Variants in PLPBP observed in about 807,000 individuals in gnomAD.
PLPBP encodes pyridoxal phosphate binding protein, also known as pyridoxal phosphate homeostasis protein.
PLPBP carries 21 observed loss-of-function variants against 31.2 expected under a neutral mutation model. That is an observed-to-expected ratio of 0.67 (90% confidence interval 0.48 to 0.97). PLPBP has a LOEUF of 0.97. Among genes scored for constraint, PLPBP ranks in the 50% least tolerant of loss-of-function variants. The pLI is 0.00. For missense variants in PLPBP, 308 were observed against 354.4 expected, an observed-to-expected ratio of 0.87 and a Z score of 1.05; for synonymous variants, 124 against 135.6, an observed-to-expected ratio of 0.91 and a Z score of 0.59.
rs565058432 is a variant in PLPBP at position 37,773,545 on chromosome 8, T to G, written c.454+656T>G. ...GTGCAGTGGCACGATCTCAGCTCAC[T>G]GCAACCTCCGCCTCCTGGGTTGAAG... is the stretch of plus-strand genomic sequence containing the variant. On this transcript the variant is annotated intron_variant, in intron 5 of 7. Coordinates refer to ENST00000328195, the MANE Select transcript of PLPBP (RefSeq NM_007198.4). Among the ~76,000 whole-genome samples the G allele has an allele frequency of 6.7e-5, 10 of 150,368 alleles. No individual in the cohort carries two copies. The South Asian group carries it at 1.3e-3, about 19-fold the overall frequency.
At chr8:37,763,749 C>T (rs1197894416) in intron 1 of PLPBP, among the ~76,000 whole-genome samples, 1 of 152,088 alleles carries the variant, frequency 6.6e-6, no homozygotes, top group South Asian at 2.1e-4. Context: ...GTAGTCACGA[C>T]TTGGACTCAA....
chr8:37,768,712 A>T (rs1398442591), intron 4 of PLPBP, among the ~76,000 whole-genome samples: 1 of 151,748 alleles, frequency 6.6e-6, no homozygotes, highest in Non-Finnish European at 1.5e-5. Flanking sequence ...AGACCTCATG[A>T]TCCGCCTGCC....
intron 1 of PLPBP, among the ~76,000 whole-genome samples, chr8:37,763,540 CTA>C (rs1803541121): frequency 3.9e-5 from 6 of 151,996 alleles, no homozygotes. Context: ...AGTCAGGTAA[CTA>C]TTCCGGCCCT....
Position 37,773,626 on chromosome 8 carries a change from G to A in PLPBP, c.454+737G>A, listed in dbSNP as rs1408183660. Among the ~76,000 whole-genome samples, 7 of 151,824 alleles carry A rather than the reference G, an allele frequency of 4.6e-5. No homozygotes were observed. The South Asian group carries it at 6.2e-4, about 14-fold the overall frequency. The stretch of plus-strand genomic sequence containing the variant: ...TGGGATTACAGGCACGCGCTACCAC[G>A]CCCAGCTAATATTTGTATTTTTAGT... On this transcript the variant is annotated intron_variant, in intron 5 of 7. Transcript: ENST00000328195.
At chr8:37,775,540 T>C (rs1803879589) in intron 6 of PLPBP, 59 bp downstream of exon 6, 3 of 1,606,302 alleles carry the variant, frequency 1.9e-6, no homozygotes, top group Non-Finnish European at 2.6e-6. Flanking sequence ...TGGAGTGCTA[T>C]TGCAGGGCTG....
intron 3 of PLPBP, 143 bp downstream of exon 3, chr8:37,765,889 C>T: frequency 1.2e-6 from 1 of 863,478 alleles, no homozygotes; most frequent in South Asian, 1.7e-5. Flanking sequence ...TGTCAGCTTC[C>T]TCCTTGAGCC....
intron 4 of PLPBP, among the ~76,000 whole-genome samples, chr8:37,771,241 A>G (rs919306047): frequency 3.6e-4 from 54 of 152,064 alleles, no homozygotes; most frequent in African/African-American, 1.2e-3. Flanking sequence ...GATTGAAGGA[A>G]TTCTCCTACC....
intron 4 of PLPBP, 144 bp from the exon 5 acceptor site, chr8:37,772,611 T>G: frequency 1.0e-6 from 1 of 961,314 alleles, no homozygotes. Context: ...AACTGTCACA[T>G]TTGTCTTCTC....
chr8:37,772,919 T>C (rs375577196), intron 5 of PLPBP, 30 bp downstream of exon 5: 78 of 1,613,114 alleles, frequency 4.8e-5, no homozygotes, highest in Non-Finnish European at 6.5e-5. Flanking sequence ...TTGTAGATTT[T>C]TCTTCCTTTA....
At chr8:37,776,088 C>T in intron 7 of PLPBP, 72 bp downstream of exon 7, 3 of 1,395,912 alleles carry the variant, frequency 2.1e-6, no homozygotes, top group Non-Finnish European at 3.0e-6. Flanking sequence ...GACACAAGAG[C>T]AGATCTTTGC....
chr8:37,772,842 C>T lies in PLPBP; in HGVS notation c.407C>T (p.Pro136Leu), dbSNP rs747127177. Residue 136 changes from proline to leucine, a missense_variant, in exon 5 of 8, where the codon CCT becomes CTT. Physicochemically the swap from Pro to Leu is moderately conservative, Grantham distance 98. This residue lies in a region of PLPBP where 188 missense variants were observed against 259.3 expected (regional missense o/e 0.73). Coordinates refer to ENST00000328195, the MANE Select transcript of PLPBP (RefSeq NM_007198.4). The stretch of plus-strand genomic sequence containing the variant: ...AGTTCCTGGCAGAGAAAAGGTTCTC[C>T]TGAAAGGTTAAAGGTTATGGTCCAG... ...VNSSWQRKGS[P>L]ERLKVMVQIN... 4 of 1,614,130 alleles carry T rather than the reference C, an allele frequency of 2.5e-6. No individual in the cohort carries two copies. In the Admixed American group the frequency reaches 6.7e-5, roughly 27 times the overall value.
Position 37,766,294 on chromosome 8 carries a change from T to A in PLPBP, c.258T>A (p.Cys86Ter). The part of the protein sequence containing the change: ...KASNPKILSL[C>*]PEIKWHFIGH... ...TTTCCCCTCAGATTCTGTCTTTGTG[T>A]CCTGAGATCAAATGGCACTTCATTG... The change falls in exon 4 of 8, where the codon TGT becomes TGA. Residue 86 changes from cysteine to a stop codon, truncating the protein, a stop_gained. Coordinates refer to ENST00000328195, the MANE Select transcript of PLPBP (RefSeq NM_007198.4). LOFTEE classifies it high-confidence loss of function. 1.2e-6 allele frequency: 2 copies of A among 1,609,964 alleles called. No homozygotes were observed. The highest frequency in any genetic ancestry group is 1.7e-6 in the Non-Finnish European group (2 of 1,178,198).
Position 37,775,773 on chromosome 8 carries a change from A to C in PLPBP, c.598-145A>C, listed in dbSNP as rs542016690. On this transcript the variant is annotated intron_variant, in intron 6 of 7. Coordinates refer to ENST00000328195, the MANE Select transcript of PLPBP (RefSeq NM_007198.4). The stretch of plus-strand genomic sequence containing the variant: ...CTCGAAAGTGGGATAGTTTGCAAAA[A>C]ACCCTTTCAGTAACGTCTGGCAATT... 86 of 933,166 alleles carry C rather than the reference A, an allele frequency of 9.2e-5. 1 individual carries two copies. In the East Asian group the frequency reaches 1.6e-3, roughly 17 times the overall value. The allele number at this position is 933,166 out of a possible 1,614,324, so 57.8% of individuals were successfully genotyped here. A position where few individuals can be genotyped will look rare whatever the true frequency, so the allele number is the denominator to read the frequency against.
rs534423225 is a variant in PLPBP at position 37,778,325 on chromosome 8, A to T, written c.*221A>T. ...AAATTCAAACATTTCTGCAGAACAG[A>T]TACCAAATCAATAGCTAGGAATCAT... On this transcript the variant is annotated 3_prime_UTR_variant, in exon 8 of 8. Coordinates refer to ENST00000328195, the MANE Select transcript of PLPBP (RefSeq NM_007198.4). 4 of 378,240 alleles carry T rather than the reference A, an allele frequency of 1.1e-5. No individual in the cohort carries two copies. The highest frequency in any genetic ancestry group is 8.2e-5 in the African/African-American group (4 of 48,794). 23.4% of individuals were successfully genotyped at this position (378,240 alleles called of 1,614,324 possible).
intron 4 of PLPBP, among the ~76,000 whole-genome samples, chr8:37,768,888 G>A (rs1035968332): frequency 1.3e-5 from 2 of 152,092 alleles, no homozygotes; most frequent in Non-Finnish European, 2.9e-5. Context: ...TTTTTAAATT[G>A]AGTTGTCTTT....
intron 4 of PLPBP, among the ~76,000 whole-genome samples, chr8:37,768,960 A>G (rs1221764050): frequency 6.6e-6 from 1 of 152,156 alleles, no homozygotes; most frequent in African/African-American, 2.4e-5. Context: ...AAAAGCTATA[A>G]AAGTATTAGA....
At chr8:37,769,518 T>TTAATC (rs148910189) in intron 4 of PLPBP, among the ~76,000 whole-genome samples, 8,065 of 151,770 alleles carry the variant, frequency 0.053, 727 homozygotes, top group African/African-American at 0.19. Flanking sequence ...ATCTTTTTGT[T>TTAATC]TATAGGGAAA....
intron 3 of PLPBP, 29 bp downstream of exon 3, chr8:37,765,775 G>C: frequency 6.2e-7 from 1 of 1,603,330 alleles, no homozygotes; most frequent in Non-Finnish European, 8.5e-7. Flanking sequence ...TCTTTAATTT[G>C]TATCTAAATC....
At position 37,762,960 on chromosome 8, in the gene PLPBP, C is replaced by T. The variant is rs182006461; in HGVS notation, c.99+202C>T. Among the ~76,000 whole-genome samples, 948 of 152,266 alleles carry T rather than the reference C, an allele frequency of 6.2e-3. 9 individuals carry two copies. The highest frequency in any genetic ancestry group is 0.022 in the African/African-American group (905 of 41,540). ...TGTTAGGTTTTCTGGAGATTGGCTT[C>T]GTTGGAGCAGAGGGTACCGCTACCT... On this transcript the variant is annotated intron_variant, in intron 1 of 7. Coordinates refer to ENST00000328195, the MANE Select transcript of PLPBP (RefSeq NM_007198.4).
Sources: allele counts gnomAD v4.1 joint callset (sites outside exome capture counted in the v4.1 genomes callset), GRCh38; gene constraint gnomAD v4.1.1; regional missense constraint gnomAD v4.1.1; transcripts MANE v1.5; gene names NCBI Gene and HGNC (gene_info 2026-07-23, HGNC 2026-07-21).